HECW1: variants seen among roughly 807,000 people sequenced by gnomAD.
HECW1 encodes the protein HECT, C2 and WW domain containing E3 ubiquitin protein ligase 1, also known as E3 ubiquitin-protein ligase HECW1.
In HECW1, 61 loss-of-function variants were observed where a neutral mutation model predicts 182.3. That is an observed-to-expected ratio of 0.33 (90% confidence interval 0.27 to 0.41). The LOEUF (loss-of-function observed/expected upper bound fraction) is 0.41. Among genes scored for constraint, HECW1 ranks in the 10% least tolerant of loss-of-function variants. HECW1 has a pLI of 1.00. For missense variants in HECW1, 1,739 were observed against 2,108.9 expected (o/e 0.82, Z 3.44); for synonymous variants, 859 against 832.6 (o/e 1.03, Z -0.55).
intron 4 of HECW1, among the ~76,000 whole-genome samples, chr7:43,318,170 TAAAGGG>T (rs1809579009): frequency 6.6e-6 from 1 of 152,148 alleles, no homozygotes; most frequent in Non-Finnish European, 1.5e-5. Context: ...CCCTGACTAT[TAAAGGG>T]AATATCCCAG....
chr7:43,133,767 ACTTT>A (rs1356392519), intron 2 of HECW1, among the ~76,000 whole-genome samples: 1 of 151,584 alleles, frequency 6.6e-6, no homozygotes, highest in East Asian at 1.9e-4. Flanking sequence ...TTTATTTTGT[ACTTT>A]CTTATATCTA....
At chr7:43,505,096 T>G (rs1267892287) in intron 21 of HECW1, among the ~76,000 whole-genome samples, 1 of 152,158 alleles carries the variant, frequency 6.6e-6, no homozygotes, top group Non-Finnish European at 1.5e-5. Context: ...TCCCCTTCTA[T>G]CATCCTTAAG....
At chr7:43,216,611 C>T (rs1220064544) in intron 2 of HECW1, among the ~76,000 whole-genome samples, 2 of 151,926 alleles carry the variant, frequency 1.3e-5, no homozygotes, top group Non-Finnish European at 2.9e-5. Context: ...ACAAAAGTCT[C>T]CACTAGCCCA....
chr7:43,264,166 A>G (rs1408590975), intron 3 of HECW1, among the ~76,000 whole-genome samples: 1 of 152,184 alleles, frequency 6.6e-6, no homozygotes, highest in Admixed American at 6.5e-5. Flanking sequence ...CAGTCACCAT[A>G]CTTCGCAATA....
intron 3 of HECW1, among the ~76,000 whole-genome samples, chr7:43,278,374 G>A (rs1198258299): frequency 6.6e-6 from 1 of 151,990 alleles, no homozygotes; most frequent in East Asian, 1.9e-4. Flanking sequence ...GAATCTGATC[G>A]TCTCTCGGCA....
intron 8 of HECW1, among the ~76,000 whole-genome samples, chr7:43,409,010 T>C (rs1046166453): frequency 2.6e-5 from 4 of 152,226 alleles, no homozygotes; most frequent in African/African-American, 9.6e-5. Context: ...ATTTCTTCCT[T>C]TATTTTTCAG....
intron 3 of HECW1, among the ~76,000 whole-genome samples, chr7:43,309,554 C>A (rs1808241655): frequency 6.6e-6 from 1 of 152,248 alleles, no homozygotes; most frequent in South Asian, 2.1e-4. Flanking sequence ...CCCTACAATC[C>A]TTTTGAGGCC....
chr7:43,322,660 G>T (rs1810281251), intron 5 of HECW1, among the ~76,000 whole-genome samples: 2 of 152,112 alleles, frequency 1.3e-5, no homozygotes, highest in Non-Finnish European at 2.9e-5. Flanking sequence ...GGCTTATTTG[G>T]GGTGTAAAGA....
intron 24 of HECW1, among the ~76,000 whole-genome samples, chr7:43,531,426 T>C (rs2080984930): frequency 6.6e-6 from 1 of 152,230 alleles, no homozygotes; most frequent in South Asian, 2.1e-4. Flanking sequence ...AGGATCTTCC[T>C]ATGCACCTGG....
intron 2 of HECW1, among the ~76,000 whole-genome samples, chr7:43,196,254 AT>A (rs1196918274): frequency 1.3e-5 from 2 of 152,094 alleles, no homozygotes; most frequent in East Asian, 3.9e-4. Flanking sequence ...TTGTTTCTTA[AT>A]TTTGACACAG....
At chr7:43,409,256 A>G (rs1359207357) in intron 8 of HECW1, among the ~76,000 whole-genome samples, 1 of 152,216 alleles carries the variant, frequency 6.6e-6, no homozygotes, top group Non-Finnish European at 1.5e-5. Flanking sequence ...ATTCTAAAAC[A>G]CTGATAGCAC....
chr7:43,122,010 T>C (rs1785672047), intron 2 of HECW1: 1 of 152,196 alleles, frequency 6.6e-6, no homozygotes, highest in South Asian at 2.1e-4. Context: ...ACAAAATGCG[T>C]ACCCCAAAGG....
intron 25 of HECW1, 143 bp downstream of exon 25, chr7:43,541,404 C>T: frequency 1.7e-6 from 1 of 577,614 alleles, no homozygotes; most frequent in Non-Finnish European, 3.1e-6. Context: ...GTTCTGAGTG[C>T]TTAGATATCA....
intron 2 of HECW1, among the ~76,000 whole-genome samples, chr7:43,140,342 G>A (rs973598364): frequency 6.6e-6 from 1 of 152,156 alleles, no homozygotes; most frequent in African/African-American, 2.4e-5. Flanking sequence ...GGCCATAGAG[G>A]TGCTTCTTGA....
At chr7:43,467,616 AAG>A (rs1201936406) in intron 15 of HECW1, among the ~76,000 whole-genome samples, 2 of 152,056 alleles carry the variant, frequency 1.3e-5, no homozygotes, top group Non-Finnish European at 2.9e-5. Flanking sequence ...TGAGGGGGTT[AAG>A]ACACAGGCTG....
At chr7:43,203,802 C>A (rs893197737) in intron 2 of HECW1, among the ~76,000 whole-genome samples, 3 of 152,174 alleles carry the variant, frequency 2.0e-5, no homozygotes, top group Non-Finnish European at 4.4e-5. Context: ...TCATCAGTAA[C>A]ATATCAAAAG....
At chr7:43,139,524 C>G (rs938710932) in intron 2 of HECW1, among the ~76,000 whole-genome samples, 2 of 151,586 alleles carry the variant, frequency 1.3e-5, no homozygotes, top group Non-Finnish European at 2.9e-5. Context: ...GTCATATTTT[C>G]TCTTCTATAA....
chr7:43,430,346 C>T (rs541648191), intron 8 of HECW1, among the ~76,000 whole-genome samples: 19 of 152,146 alleles, frequency 1.2e-4, no homozygotes, highest in African/African-American at 1.7e-4. Flanking sequence ...TTTCTACCCA[C>T]GGCACAATTT....
intron 15 of HECW1, among the ~76,000 whole-genome samples, chr7:43,468,241 CT>C (rs2077870359): frequency 6.6e-6 from 1 of 152,160 alleles, no homozygotes; most frequent in Admixed American, 6.5e-5. Flanking sequence ...CATGTCCAGC[CT>C]TCAATCCCCA....
Sources: allele counts gnomAD v4.1 joint callset (sites outside exome capture counted in the v4.1 genomes callset), GRCh38; gene constraint gnomAD v4.1.1; transcripts MANE v1.5; gene names NCBI Gene and HGNC (gene_info 2026-07-23, HGNC 2026-07-21).